The following PTPN14 variants were observed in gnomAD, a reference collection of about 807,000 sequenced individuals.
PTPN14 encodes protein tyrosine phosphatase non-receptor type 14, also known as tyrosine-protein phosphatase non-receptor type 14.
In PTPN14, 53 loss-of-function variants were observed where a neutral mutation model predicts 126.8. The ratio of observed to expected loss-of-function variants is 0.42; its 90% CI spans 0.34 to 0.53. The LOEUF (loss-of-function observed/expected upper bound fraction) is 0.53, where lower values mean the gene tolerates loss of function less well. Ranked by LOEUF, PTPN14 falls within the 20% of genes least tolerant of loss-of-function variation. The probability of loss-of-function intolerance (pLI) is 0.08; values close to 1 mark genes in which losing one functional copy is unlikely to be tolerated. For missense variants in PTPN14, 1,257 were observed against 1,552.9 expected (o/e 0.81, Z 3.20); for synonymous variants, 630 against 599.3 (o/e 1.05, Z -0.75).
intron 1 of PTPN14, among the ~76,000 whole-genome samples, chr1:214,517,910 A>T (rs1655149039): frequency 6.6e-6 from 1 of 152,148 alleles, no homozygotes; most frequent in Admixed American, 6.6e-5. Context: ...GTGCCACTGC[A>T]CTCCAGCCTG....
Position 214,364,308 on chromosome 1 carries a change from G to GT in PTPN14, c.3435+203dup, listed in dbSNP as rs1437670451. On this transcript the variant is annotated intron_variant, in intron 18 of 18. Coordinates refer to ENST00000366956, the MANE Select transcript of PTPN14 (RefSeq NM_005401.5). This position sits in a 1 kb window ranked among gnomAD's most constrained non-coding sequence, Gnocchi z 4.1. Reference sequence around the variant, plus strand: ...CCCTCATTTCTCCTGTTTTATCTGGGTATCTACACGGAGCAGTGGGAGGGC... The same window carrying GT: ...CCCTCATTTCTCCTGTTTTATCTGGGTTATCTACACGGAGCAGTGGGAGGGC... Among the ~76,000 whole-genome samples, 3 of 151,618 alleles carry GT rather than the reference G, an allele frequency of 2.0e-5. No homozygotes were observed. Among genetic ancestry groups the GT allele is most frequent in the Non-Finnish European group, 2.9e-5 (2 of 67,924 alleles).
intron 13 of PTPN14, among the ~76,000 whole-genome samples, chr1:214,380,592 G>A (rs762610124): frequency 1.3e-5 from 2 of 152,306 alleles, no homozygotes; most frequent in Middle Eastern, 3.4e-3. Flanking sequence ...AGCAGCTCCA[G>A]GAGAGCTGCC....
intron 1 of PTPN14, among the ~76,000 whole-genome samples, chr1:214,469,519 T>C (rs1660707745): frequency 6.6e-6 from 1 of 152,228 alleles, no homozygotes; most frequent in Admixed American, 6.5e-5. Flanking sequence ...ATATTCATTT[T>C]ATCACACATA....
Position 214,384,146 on chromosome 1 carries a change from TA to T in PTPN14, c.1708del (p.Tyr570ThrfsTer29). 6.3e-7 allele frequency: 1 copy of T among 1,576,318 alleles called. No individual in the cohort carries two copies. ...KNYLFRPPPP[Y>X]PRPRPATSTP... is the part of the protein sequence containing the mutation. ...GCTGGTGGCAGGTCGTGGCCGTGGGTAGGGGGGCGGTGGCCTGAAGAGATAG... is the reference window on the plus strand; with the variant it reads ...GCTGGTGGCAGGTCGTGGCCGTGGGTGGGGGGCGGTGGCCTGAAGAGATAG... On this transcript the variant is annotated frameshift_variant, in exon 13 of 19. Coordinates refer to ENST00000366956, the MANE Select transcript of PTPN14 (RefSeq NM_005401.5). LOFTEE classifies it high-confidence loss of function. The surrounding 1 kb of genome is among the most constrained non-coding windows in gnomAD (Gnocchi z 5.3).
At chr1:214,488,504 C>A (rs61819645) in intron 1 of PTPN14, among the ~76,000 whole-genome samples, 2 of 152,174 alleles carry the variant, frequency 1.3e-5, no homozygotes, top group Non-Finnish European at 2.9e-5. Context: ...GCACATAAAA[C>A]CCATGTAAAA....
intron 1 of PTPN14, among the ~76,000 whole-genome samples, chr1:214,500,773 AT>A (rs1486296510): frequency 6.6e-6 from 1 of 152,200 alleles, no homozygotes; most frequent in Non-Finnish European, 1.5e-5. Context: ...ATTGAAAGAA[AT>A]CTGAAGCCAG....
At chr1:214,399,256 C>T (rs956871608) in intron 7 of PTPN14, among the ~76,000 whole-genome samples, 6 of 152,164 alleles carry the variant, frequency 3.9e-5, no homozygotes, top group African/African-American at 1.4e-4. Flanking sequence ...CCAGCTGTGT[C>T]GGCGGGGTCA....
chr1:214,352,478 T>C lies in PTPN14; in HGVS notation c.*5444A>G, dbSNP rs1190714913. On this transcript the variant is annotated 3_prime_UTR_variant, in exon 19 of 19. Transcript: ENST00000366956. Reference sequence around the variant, plus strand: ...TAACACTGACTTCTGGACAACACATTTGAGGTGGCAGAATTTGATGAGATT... The same window carrying C: ...TAACACTGACTTCTGGACAACACATCTGAGGTGGCAGAATTTGATGAGATT... 6.6e-6 allele frequency: 1 copy of C among 152,230 alleles called. No individual in the cohort carries two copies. The highest frequency in any genetic ancestry group is 1.5e-5 in the Non-Finnish European group (1 of 68,046). 9.4% of individuals were successfully genotyped at this position (152,230 alleles called of 1,614,324 possible). A position where few individuals can be genotyped will look rare whatever the true frequency, so the allele number is the denominator to read the frequency against.
At chr1:214,394,626 T>G (rs1658835824) in intron 9 of PTPN14, among the ~76,000 whole-genome samples, 1 of 152,190 alleles carries the variant, frequency 6.6e-6, no homozygotes, top group Non-Finnish European at 1.5e-5. Context: ...CAGGCTGGTC[T>G]CAAACTCCTG....
chr1:214,481,597 A>G (rs549309938), intron 1 of PTPN14, among the ~76,000 whole-genome samples: 1 of 152,086 alleles, frequency 6.6e-6, no homozygotes, highest in East Asian at 1.9e-4. Context: ...TCATTTACAC[A>G]GACACTGGAG....
chr1:214,450,359 C>G (rs1660246698), intron 3 of PTPN14, among the ~76,000 whole-genome samples: 1 of 151,490 alleles, frequency 6.6e-6, no homozygotes, highest in Non-Finnish European at 1.5e-5. Flanking sequence ...ATAATCCCAG[C>G]CACTCGGGAG....
At chr1:214,461,467 T>C (rs1191781993) in intron 2 of PTPN14, among the ~76,000 whole-genome samples, 1 of 151,894 alleles carries the variant, frequency 6.6e-6, no homozygotes. Flanking sequence ...ATCCCATCCG[T>C]ACAAAAAATT....
At chr1:214,490,109 G>A (rs1661197877) in intron 1 of PTPN14, among the ~76,000 whole-genome samples, 1 of 152,174 alleles carries the variant, frequency 6.6e-6, no homozygotes, top group Non-Finnish European at 1.5e-5. Context: ...CCAAGGCTTT[G>A]AGCAAGTACA....
intron 4 of PTPN14, among the ~76,000 whole-genome samples, 164 bp downstream of exon 4, chr1:214,414,464 CA>C (rs1375213228): frequency 6.6e-6 from 1 of 152,118 alleles, no homozygotes; most frequent in African/African-American, 2.4e-5. Flanking sequence ...ACCCAGCCAC[CA>C]AAAATCACTA....
intron 3 of PTPN14, among the ~76,000 whole-genome samples, chr1:214,425,546 C>T (rs767377237): frequency 1.6e-4 from 25 of 152,188 alleles, no homozygotes; most frequent in Non-Finnish European, 2.8e-4. Flanking sequence ...CCCCAACAGA[C>T]CGCCTTACTA....
intron 11 of PTPN14, among the ~76,000 whole-genome samples, chr1:214,390,570 T>C (rs965745542): frequency 1.3e-5 from 2 of 152,216 alleles, no homozygotes; most frequent in African/African-American, 4.8e-5. Context: ...CAATTTTTGC[T>C]CATTTAGAAG....
intron 1 of PTPN14, among the ~76,000 whole-genome samples, chr1:214,504,240 A>T (rs1045949863): frequency 6.6e-6 from 1 of 152,152 alleles, no homozygotes; most frequent in Non-Finnish European, 1.5e-5. Context: ...CAGAAATACC[A>T]TAGGAAGGCG....
intron 1 of PTPN14, among the ~76,000 whole-genome samples, chr1:214,479,566 C>CTGA (rs1475844779): frequency 2.6e-5 from 4 of 152,020 alleles, no homozygotes; most frequent in African/African-American, 7.2e-5. Context: ...TCTCAAACTC[C>CTGA]TGACCTCAGT....
chr1:214,510,429 C>T (rs137917519), intron 1 of PTPN14, among the ~76,000 whole-genome samples: 63 of 152,314 alleles, frequency 4.1e-4, no homozygotes, highest in African/African-American at 1.4e-3. Context: ...TACAAGAAAA[C>T]AGCAATACCT....
Sources: allele counts gnomAD v4.1 joint callset (sites outside exome capture counted in the v4.1 genomes callset), GRCh38; gene constraint gnomAD v4.1.1; non-coding constraint Gnocchi (gnomAD v3.1); transcripts MANE v1.5; gene names NCBI Gene and HGNC (gene_info 2026-07-23, HGNC 2026-07-21).